The following VAV1 variants were observed in gnomAD, a reference collection of about 807,000 sequenced individuals.
The protein encoded by VAV1 is proto-oncogene vav.
VAV1 carries 33 observed loss-of-function variants against 128.1 expected under a neutral mutation model. The observed-to-expected ratio is 0.26, with a 90% CI of 0.20 to 0.34. The LOEUF (loss-of-function observed/expected upper bound fraction) is 0.34. Among genes scored for constraint, VAV1 ranks in the 10% least tolerant of loss-of-function variants. The pLI is 1.00. For synonymous variants in VAV1, 394 were observed against 409.8 expected (o/e 0.96, Z 0.47); for missense variants, 715 against 1,093.7 (o/e 0.65, Z 4.88).
chr19:6,833,113 T>C, intron 15 of VAV1, 71 bp from the exon 16 acceptor site: 1 of 1,339,690 alleles, frequency 7.5e-7, no homozygotes, highest in South Asian at 1.4e-5. Context: ...TACCATGGAA[T>C]AGTATTCAGC....
intron 21 of VAV1, among the ~76,000 whole-genome samples, chr19:6,839,492 T>C (rs1293373370): frequency 2.6e-5 from 4 of 152,020 alleles, no homozygotes; most frequent in African/African-American, 9.7e-5. Context: ...GATCTCAAAC[T>C]CCTGACCTCA....
chr19:6,795,345 C>T (rs138413366), intron 1 of VAV1, among the ~76,000 whole-genome samples: 2 of 152,104 alleles, frequency 1.3e-5, no homozygotes, highest in East Asian at 3.9e-4. Flanking sequence ...AGCAAATGAC[C>T]CTCCTTCTCT....
At chr19:6,813,808 C>T (rs559487432) in intron 1 of VAV1, among the ~76,000 whole-genome samples, 5 of 152,112 alleles carry the variant, frequency 3.3e-5, no homozygotes, top group African/African-American at 9.6e-5. Context: ...AATCTCAGCA[C>T]TTTGAGAGCC....
chr19:6,791,275 T>A (rs1424372287), intron 1 of VAV1, among the ~76,000 whole-genome samples: 2 of 152,346 alleles, frequency 1.3e-5, no homozygotes, highest in African/African-American at 4.8e-5. Context: ...TCTCTTCATC[T>A]TGAGGTCCTT....
intron 1 of VAV1, among the ~76,000 whole-genome samples, chr19:6,817,496 A>G (rs937283069): frequency 6.6e-6 from 1 of 152,150 alleles, no homozygotes; most frequent in East Asian, 1.9e-4. Context: ...AACATATATC[A>G]GGGGCCTCCT....
chr19:6,832,540 T>TCCC (rs1326038287), intron 15 of VAV1, among the ~76,000 whole-genome samples: 26 of 147,226 alleles, frequency 1.8e-4, no homozygotes, highest in Admixed American at 1.3e-3. Flanking sequence ...CTCCCCTTCC[T>TCCC]CTTCTTCTTC....
chr19:6,805,583 T>TACACACAC (rs55732746), intron 1 of VAV1, among the ~76,000 whole-genome samples: 4,403 of 139,002 alleles, frequency 0.032, 102 homozygotes, highest in East Asian at 0.07. Flanking sequence ...TTTCTACAGA[T>TACACACAC]ACACACACAC....
intron 19 of VAV1, among the ~76,000 whole-genome samples, chr19:6,834,773 G>A (rs985810288): frequency 6.7e-6 from 1 of 149,628 alleles, no homozygotes; most frequent in Non-Finnish European, 1.5e-5. Flanking sequence ...GAGTGCAGAG[G>A]CAGGAGTGTT....
intron 15 of VAV1, among the ~76,000 whole-genome samples, chr19:6,832,503 C>A (rs1274636794): frequency 7.2e-6 from 1 of 138,620 alleles, no homozygotes; most frequent in Admixed American, 7.3e-5. Context: ...CTTTCTCCTT[C>A]TCCTTTCCTC....
chr19:6,784,433 CAGGAGGGGCATCT>C (rs1353058294), intron 1 of VAV1, among the ~76,000 whole-genome samples: 1 of 151,312 alleles, frequency 6.6e-6, no homozygotes, highest in Non-Finnish European at 1.5e-5. Context: ...CTAGGGCCAA[CAGGAGGGGCATCT>C]AGGAGGGTCA....
At chr19:6,834,045 A>T in intron 19 of VAV1, 92 bp downstream of exon 19, 1 of 1,578,224 alleles carries the variant, frequency 6.3e-7, no homozygotes, top group Non-Finnish European at 8.7e-7. Flanking sequence ...TCATATTAAC[A>T]GCCACATTGG....
Position 6,848,070 on chromosome 19 carries a change from G to A in VAV1, c.2085G>A (p.Val695=). 1 of 1,551,730 alleles carries A rather than the reference G, an allele frequency of 6.4e-7. No homozygotes were observed. ...ACCGCTCGGACGGGACTTTCTTGGTGCGGCAGAGGGTGAAGGATGCAGCAG... is the reference window on the plus strand; with the variant it reads ...ACCGCTCGGACGGGACTTTCTTGGTACGGCAGAGGGTGAAGGATGCAGCAG... ...LANRSDGTFL[V]RQRVKDAAEF... The change falls in exon 23 of 27, where the codon GTG becomes GTA. Residue 695 remains valine, a synonymous_variant. Transcript: ENST00000602142.
intron 2 of VAV1, 72 bp from the exon 3 acceptor site, chr19:6,821,550 T>C: frequency 6.3e-7 from 1 of 1,586,022 alleles, no homozygotes; most frequent in African/African-American, 1.3e-5. Flanking sequence ...AGACAGAGCC[T>C]TGCAGCTGGA....
chr19:6,773,871 G>A (rs1029279002), intron 1 of VAV1, among the ~76,000 whole-genome samples: 1 of 152,082 alleles, frequency 6.6e-6, no homozygotes, highest in Non-Finnish European at 1.5e-5. Flanking sequence ...AACGGGGGAC[G>A]GGGCGGGGCT....
intron 21 of VAV1, among the ~76,000 whole-genome samples, chr19:6,840,038 C>T (rs1972331103): frequency 6.6e-6 from 1 of 152,076 alleles, no homozygotes; most frequent in Non-Finnish European, 1.5e-5. Context: ...TAAGTACATT[C>T]ACAGTGTTTT....
intron 8 of VAV1, 141 bp downstream of exon 8, chr19:6,825,547 C>G (rs1011241096): frequency 3.0e-6 from 2 of 669,750 alleles, no homozygotes. Flanking sequence ...CTGCCCATCT[C>G]TGGTTCAATT....
intron 19 of VAV1, among the ~76,000 whole-genome samples, chr19:6,834,930 A>G (rs2144797057): frequency 6.6e-6 from 1 of 151,736 alleles, no homozygotes; most frequent in East Asian, 1.9e-4. Flanking sequence ...TGTCTACAAA[A>G]ACATTTTTAA....
At chr19:6,776,949 G>A (rs138630517) in intron 1 of VAV1, among the ~76,000 whole-genome samples, 2,315 of 152,026 alleles carry the variant, frequency 0.015, 54 homozygotes, top group African/African-American at 0.053. Flanking sequence ...TAGAGATGGG[G>A]TTTCACCATA....
At chr19:6,848,152 C>A in intron 23 of VAV1, 38 bp downstream of exon 23, 1 of 1,510,718 alleles carries the variant, frequency 6.6e-7, no homozygotes, top group Non-Finnish European at 8.8e-7. Context: ...CTTTTGGGGC[C>A]TGGGCCCTGC....
Sources: allele counts gnomAD v4.1 joint callset (sites outside exome capture counted in the v4.1 genomes callset), GRCh38; gene constraint gnomAD v4.1.1; transcripts MANE v1.5; gene names NCBI Gene and HGNC (gene_info 2026-07-23, HGNC 2026-07-21).